Variants in CPQ observed in about 807,000 individuals in gnomAD.
CPQ encodes the protein carboxypeptidase Q.
In CPQ, 37 loss-of-function variants were observed where a neutral mutation model predicts 45.7. The observed-to-expected ratio is 0.81, with a 90% CI of 0.62 to 1.07. CPQ has a LOEUF of 1.07. CPQ is among the 50% of genes least tolerant of loss of function. CPQ has a pLI of 0.00. For missense variants in CPQ, 537 were observed against 572.9 expected (o/e 0.94, Z 0.64); for synonymous variants, 186 against 205.8 (o/e 0.90, Z 0.82).
chr8:96,782,147 AGT>A, intron 1 of CPQ, among the ~76,000 whole-genome samples: 1 of 152,300 alleles, frequency 6.6e-6, no homozygotes. Context: ...ACATTGCTTT[AGT>A]GGGGACTGTT....
chr8:96,783,260 AGTGTGTGTGT>A (rs71267280), intron 1 of CPQ, among the ~76,000 whole-genome samples: 2 of 147,906 alleles, frequency 1.4e-5, no homozygotes, highest in Non-Finnish European at 3.0e-5. Flanking sequence ...TAGTTGTGTG[AGTGTGTGTGT>A]GTGTGTGTGT....
At chr8:97,039,536 G>C (rs193295650) in intron 6 of CPQ, among the ~76,000 whole-genome samples, 2,883 of 151,098 alleles carry the variant, frequency 0.019, 96 homozygotes, top group African/African-American at 0.067. Flanking sequence ...ACAATGTGCA[G>C]GTTAGTTACA....
chr8:97,019,307 T>G (rs1809636704), intron 5 of CPQ, among the ~76,000 whole-genome samples: 1 of 151,708 alleles, frequency 6.6e-6, no homozygotes, highest in South Asian at 2.1e-4. Context: ...AAAATACAAT[T>G]TAAAAACAAA....
chr8:96,846,644 C>T (rs535623726), intron 3 of CPQ, among the ~76,000 whole-genome samples: 16 of 152,182 alleles, frequency 1.1e-4, no homozygotes, highest in African/African-American at 3.6e-4. Context: ...AACATTTCAC[C>T]CATAAATATA....
At chr8:96,915,068 A>G (rs1165143279) in intron 4 of CPQ, among the ~76,000 whole-genome samples, 1 of 152,190 alleles carries the variant, frequency 6.6e-6, no homozygotes, top group African/African-American at 2.4e-5. Flanking sequence ...TACCTGCCTC[A>G]CATGACTGGA....
chr8:96,989,825 G>T (rs994534777), intron 5 of CPQ, among the ~76,000 whole-genome samples: 2 of 152,068 alleles, frequency 1.3e-5, no homozygotes, highest in Non-Finnish European at 2.9e-5. Flanking sequence ...AGCTGGGAGG[G>T]GAATCTCAAA....
chr8:96,705,658 T>G (rs1325619922), intron 1 of CPQ, among the ~76,000 whole-genome samples: 2 of 152,174 alleles, frequency 1.3e-5, no homozygotes, highest in African/African-American at 4.8e-5. Context: ...TTCATCACTT[T>G]GGAGGTTGGC....
At chr8:97,116,441 C>G (rs1483539365) in intron 7 of CPQ, among the ~76,000 whole-genome samples, 1 of 152,204 alleles carries the variant, frequency 6.6e-6, no homozygotes, top group Non-Finnish European at 1.5e-5. Flanking sequence ...TAAACAGACA[C>G]CAGCTATAAC....
chr8:96,699,354 G>A (rs1441444792), intron 1 of CPQ, among the ~76,000 whole-genome samples: 1 of 152,092 alleles, frequency 6.6e-6, no homozygotes, highest in Non-Finnish European at 1.5e-5. Flanking sequence ...GGGGGCTGGT[G>A]GGAAGTGAGA....
chr8:97,113,847 A>C (rs2130597291), intron 7 of CPQ, among the ~76,000 whole-genome samples: 1 of 152,202 alleles, frequency 6.6e-6, no homozygotes, highest in African/African-American at 2.4e-5. Flanking sequence ...AACTGCTGAA[A>C]CTCAGACCAG....
chr8:96,936,116 G>C (rs550841294), intron 4 of CPQ, among the ~76,000 whole-genome samples: 1 of 151,864 alleles, frequency 6.6e-6, no homozygotes, highest in African/African-American at 2.4e-5. Flanking sequence ...GAAAACTCAG[G>C]GTTTGTGTGT....
intron 1 of CPQ, among the ~76,000 whole-genome samples, chr8:96,656,486 C>T (rs1385410747): frequency 2.0e-5 from 3 of 152,128 alleles, no homozygotes; most frequent in Admixed American, 1.3e-4. Context: ...GGAGTTGCTG[C>T]TCAGGATGGA....
chr8:96,862,284 TTGTGTGTGTGTGTGTGTGTGTGTG>T (rs34611818), intron 3 of CPQ, among the ~76,000 whole-genome samples: 10 of 141,098 alleles, frequency 7.1e-5, no homozygotes, highest in African/African-American at 2.6e-4. Context: ...ATTTTTGCAT[TTGTGTGTGTGTGTGTGTGTGTGTG>T]TGTGTGTGTG....
At chr8:96,737,252 CACAA>C (rs1405416563) in intron 1 of CPQ, among the ~76,000 whole-genome samples, 1 of 125,796 alleles carries the variant, frequency 7.9e-6, no homozygotes, top group African/African-American at 3.1e-5. Context: ...CACACACACA[CACAA>C]AAAAAAACTA....
intron 1 of CPQ, among the ~76,000 whole-genome samples, chr8:96,781,745 G>A (rs1206340395): frequency 6.6e-6 from 1 of 152,120 alleles, no homozygotes; most frequent in Non-Finnish European, 1.5e-5. Flanking sequence ...TCATTCTGAG[G>A]CAAATTCCCC....
At chr8:97,046,253 C>A (rs143898636) in intron 6 of CPQ, among the ~76,000 whole-genome samples, 1 of 151,394 alleles carries the variant, frequency 6.6e-6, no homozygotes, top group African/African-American at 2.4e-5. Context: ...CTAAGCAGAT[C>A]GGAACTTCTA....
chr8:96,799,291 T>C (rs1273886570), intron 2 of CPQ, among the ~76,000 whole-genome samples: 1 of 152,220 alleles, frequency 6.6e-6, no homozygotes, highest in East Asian at 1.9e-4. Context: ...CCTTCCTGCA[T>C]ACTTCAAGCA....
In CPQ at chr8:96,779,963, A is replaced by G. The variant is rs191094368; in HGVS notation, c.-34-4901A>G. Among the ~76,000 whole-genome samples the G allele has an allele frequency of 1.4e-3, 218 of 152,318 alleles. 4 individuals are homozygous for G. Among genetic ancestry groups the G allele is most frequent in the Admixed American group, 0.011 (169 of 15,294 alleles). ...AGTGTATAGTTTTCATAATTTTTCA[A>G]AATAGTTTAAATATGATAGCAACTT... On this transcript the variant is annotated intron_variant, in intron 1 of 7. Coordinates refer to ENST00000220763, the MANE Select transcript of CPQ (RefSeq NM_016134.4).
Position 96,912,096 on chromosome 8 carries a change from C to T in CPQ, c.849+32091C>T, listed in dbSNP as rs561904034. Among the ~76,000 whole-genome samples, 33 of 152,280 alleles carry T rather than the reference C, an allele frequency of 2.2e-4. No homozygotes were observed. In the South Asian group the frequency reaches 6.9e-3, roughly 32 times the overall value. Reference sequence around the variant, plus strand: ...ACAGGACAATGTTTTGCCTTTCTGACCCCCCAGAACCAGATGAATGATTCA... The same window carrying T: ...ACAGGACAATGTTTTGCCTTTCTGATCCCCCAGAACCAGATGAATGATTCA... On this transcript the variant is annotated intron_variant, in intron 4 of 7. Coordinates refer to ENST00000220763, the MANE Select transcript of CPQ (RefSeq NM_016134.4).
Sources: allele counts gnomAD v4.1 joint callset (sites outside exome capture counted in the v4.1 genomes callset), GRCh38; gene constraint gnomAD v4.1.1; transcripts MANE v1.5; gene names NCBI Gene and HGNC (gene_info 2026-07-23, HGNC 2026-07-21).